SEC24D: variants seen among roughly 807,000 people sequenced by gnomAD.
SEC24D encodes the protein protein transport protein Sec24D.
SEC24D carries 69 observed loss-of-function variants against 116.9 expected under a neutral mutation model. The observed-to-expected ratio is 0.59, with a 90% CI of 0.49 to 0.72. The LOEUF (loss-of-function observed/expected upper bound fraction) is 0.72. Among genes scored for constraint, SEC24D ranks in the 30% least tolerant of loss-of-function variants. SEC24D has a pLI of 0.00. For synonymous variants in SEC24D, 405 were observed against 442.8 expected (o/e 0.91, Z 1.07); for missense variants, 1,131 against 1,264.1 (o/e 0.89, Z 1.60).
chr4:118,781,187 G>A (rs184596223), intron 8 of SEC24D, among the ~76,000 whole-genome samples: 31 of 152,092 alleles, frequency 2.0e-4, no homozygotes, highest in East Asian at 1.2e-3. Context: ...TAGCATTGAC[G>A]GTCTTTACAA....
chr4:118,819,519 A>T (rs978908841), intron 3 of SEC24D, among the ~76,000 whole-genome samples: 50 of 136,970 alleles, frequency 3.7e-4, no homozygotes, highest in South Asian at 7.9e-4. Flanking sequence ...CAACACAGGG[A>T]GACCCCGTCT....
intron 7 of SEC24D, among the ~76,000 whole-genome samples, chr4:118,804,569 A>G (rs1261714222): frequency 6.6e-6 from 1 of 151,688 alleles, no homozygotes; most frequent in East Asian, 1.9e-4. Flanking sequence ...GCCACCTTTT[A>G]TAGGTCACAG....
At chr4:118,807,522 GA>G (rs149393508) in intron 6 of SEC24D, among the ~76,000 whole-genome samples, 6,683 of 143,848 alleles carry the variant, frequency 0.046, 196 homozygotes, top group Non-Finnish European at 0.067. Flanking sequence ...GTAAGAAGAG[GA>G]AAAAAAAAAA....
At chr4:118,825,484 T>G (rs1348405217) in intron 2 of SEC24D, 4 of 445,376 alleles carry the variant, frequency 9.0e-6, no homozygotes, top group African/African-American at 8.1e-5. Context: ...CATTTCTCTC[T>G]TTTCTTCTTG....
Position 118,780,892 on chromosome 4 carries a change from G to A in SEC24D, c.1042-12581C>T, listed in dbSNP as rs182527280. On this transcript the variant is annotated intron_variant, in intron 8 of 22. Transcript: ENST00000280551. ...TTAAAGTCTGTTTTATCAGAGACTA[G>A]GATTGCAACCCCTGCTTTTTTTTTT... Among the ~76,000 whole-genome samples the A allele has an allele frequency of 1.5e-3, 227 of 146,642 alleles. 8 individuals are homozygous for A. In the East Asian group the frequency reaches 0.036, roughly 23 times the overall value.
intron 13 of SEC24D, among the ~76,000 whole-genome samples, chr4:118,747,746 G>A (rs1334039143): frequency 2.6e-5 from 4 of 151,846 alleles, no homozygotes; most frequent in African/African-American, 9.7e-5. Flanking sequence ...TATTAATATT[G>A]CCGTTTTATA....
At chr4:118,765,398 C>T (rs1727597539) in intron 9 of SEC24D, among the ~76,000 whole-genome samples, 1 of 152,154 alleles carries the variant, frequency 6.6e-6, no homozygotes, top group South Asian at 2.1e-4. Context: ...AATGTTTGCG[C>T]TTAAGAGTGG....
rs553375921 is a variant in SEC24D at position 118,787,052 on chromosome 4, C to G, written c.1041+10631G>C. ...GCCCTGACAAATGTGACTCTCCCTA[C>G]ACATGTGCTATAAGGCTAGAACACT... On this transcript the variant is annotated intron_variant, in intron 8 of 22. Coordinates refer to ENST00000280551, the MANE Select transcript of SEC24D (RefSeq NM_014822.4). 3.3e-4 allele frequency among the ~76,000 whole-genome samples: 50 copies of G among 152,312 alleles called. 1 individual carries two copies. In the South Asian group the frequency reaches 3.5e-3, roughly 11 times the overall value.
intron 6 of SEC24D, among the ~76,000 whole-genome samples, chr4:118,812,256 T>C (rs1269235109): frequency 6.6e-6 from 1 of 151,910 alleles, no homozygotes; most frequent in Non-Finnish European, 1.5e-5. Flanking sequence ...TGTCCTAATC[T>C]CTGAAATCTG....
intron 6 of SEC24D, among the ~76,000 whole-genome samples, chr4:118,807,286 C>G (rs1028755360): frequency 4.7e-4 from 71 of 152,126 alleles, no homozygotes; most frequent in Admixed American, 7.9e-4. Flanking sequence ...TGATATTTCT[C>G]TACTAAAAAC....
At chr4:118,823,851 G>T (rs752257408) in intron 3 of SEC24D, among the ~76,000 whole-genome samples, 17 of 152,128 alleles carry the variant, frequency 1.1e-4, no homozygotes, top group African/African-American at 4.1e-4. Context: ...TCCCTCACTG[G>T]CATCTGTGTG....
chr4:118,792,700 A>C (rs888996350), intron 8 of SEC24D, among the ~76,000 whole-genome samples: 3 of 152,140 alleles, frequency 2.0e-5, no homozygotes, highest in African/African-American at 7.2e-5. Context: ...CAGCATACTC[A>C]TTAAGAGTCA....
Position 118,827,941 on chromosome 4 carries a change from T to TG in SEC24D, c.119-3193dup, listed in dbSNP as rs59039518. On this transcript the variant is annotated intron_variant, in intron 2 of 22. Transcript: ENST00000280551. ...AAAACCAAAATTAAAAGCCATTTGTTGGGGGGGGAAAATGTTTATCTAAAA... is the reference window on the plus strand; with the variant it reads ...AAAACCAAAATTAAAAGCCATTTGTTGGGGGGGGGAAAATGTTTATCTAAAA... 4.0e-4 allele frequency among the ~76,000 whole-genome samples: 61 copies of TG among 151,692 alleles called. 1 individual carries two copies. The South Asian group carries it at 4.2e-3, about 10-fold the overall frequency.
chr4:118,793,275 G>A (rs568278936), intron 8 of SEC24D, among the ~76,000 whole-genome samples: 3 of 151,624 alleles, frequency 2.0e-5, no homozygotes, highest in Admixed American at 2.0e-4. Context: ...AGACCATCCC[G>A]GCTAAAACGG....
intron 2 of SEC24D, among the ~76,000 whole-genome samples, chr4:118,830,051 AG>A (rs1730778581): frequency 6.6e-6 from 1 of 152,246 alleles, no homozygotes; most frequent in Admixed American, 6.5e-5. Context: ...AAGGTATCTA[AG>A]GTTATTCAGC....
At chr4:118,796,044 G>T (rs1384072399) in intron 8 of SEC24D, among the ~76,000 whole-genome samples, 1 of 152,098 alleles carries the variant, frequency 6.6e-6, no homozygotes, top group African/African-American at 2.4e-5. Context: ...CTTTGAAATT[G>T]ATCAGAATAA....
At position 118,774,010 on chromosome 4, in the gene SEC24D, A is replaced by C. The variant is rs193005986; in HGVS notation, c.1042-5699T>G. ...CTTCTAAAAAGAAACAGCAAGCTTGAGGATAAGACACTTAATACATTGTGT... is the reference window on the plus strand; with the variant it reads ...CTTCTAAAAAGAAACAGCAAGCTTGCGGATAAGACACTTAATACATTGTGT... On this transcript the variant is annotated intron_variant, in intron 8 of 22. Transcript: ENST00000280551. Among the ~76,000 whole-genome samples the C allele has an allele frequency of 2.0e-4, 31 of 152,252 alleles. 1 individual carries two copies. Among genetic ancestry groups the C allele is most frequent in the African/African-American group, 6.7e-4 (28 of 41,584 alleles).
intron 22 of SEC24D, among the ~76,000 whole-genome samples, chr4:118,725,677 C>T (rs767545383): frequency 2.5e-4 from 38 of 152,008 alleles, no homozygotes; most frequent in Non-Finnish European, 4.4e-4. Context: ...AAGTGTCTCG[C>T]TATGAGCTGA....
intron 8 of SEC24D, among the ~76,000 whole-genome samples, chr4:118,774,175 T>C (rs190090692): frequency 6.6e-6 from 1 of 152,192 alleles, no homozygotes; most frequent in East Asian, 1.9e-4. Flanking sequence ...TTAGTGACAC[T>C]TGGGAGATTG....
Sources: allele counts gnomAD v4.1 joint callset (sites outside exome capture counted in the v4.1 genomes callset), GRCh38; gene constraint gnomAD v4.1.1; transcripts MANE v1.5; gene names NCBI Gene and HGNC (gene_info 2026-07-23, HGNC 2026-07-21).